Variants in SLC25A26 observed in about 807,000 individuals in gnomAD.
The protein encoded by SLC25A26 is mitochondrial S-adenosylmethionine carrier protein.
SLC25A26 carries 36 observed loss-of-function variants against 37.8 expected under a neutral mutation model. The ratio of observed to expected loss-of-function variants is 0.95; its 90% confidence interval spans 0.73 to 1.26. The LOEUF (loss-of-function observed/expected upper bound fraction) is 1.26, where lower values mean the gene tolerates loss of function less well. Ranked by LOEUF, SLC25A26 falls within the 50% of genes most tolerant of loss-of-function variation. The probability of loss-of-function intolerance (pLI) is 0.00; values close to 1 mark genes in which losing one functional copy is unlikely to be tolerated. For synonymous variants in SLC25A26, 129 were observed against 122.5 expected (o/e 1.05, Z -0.35); for missense variants, 390 against 331.1 (o/e 1.18, Z -1.38).
At chr3:66,180,979 G>A (rs1202481571) in intron 1 of SLC25A26, among the ~76,000 whole-genome samples, 1 of 152,160 alleles carries the variant, frequency 6.6e-6, no homozygotes. Context: ...CAGGAAAAAG[G>A]CCATGGGAGG....
chr3:66,340,711 G>A (rs2076190419), intron 5 of SLC25A26, among the ~76,000 whole-genome samples: 1 of 151,922 alleles, frequency 6.6e-6, no homozygotes, highest in African/African-American at 2.4e-5. Flanking sequence ...CTTACGCCTT[G>A]TTACTCTGAT....
At chr3:66,317,219 G>C (rs558212978) in intron 5 of SLC25A26, among the ~76,000 whole-genome samples, 1 of 152,178 alleles carries the variant, frequency 6.6e-6, no homozygotes, top group Non-Finnish European at 1.5e-5. Context: ...TTTTTGCATT[G>C]ATTCTTTATC....
chr3:66,361,032 T>C (rs913240458), intron 6 of SLC25A26, among the ~76,000 whole-genome samples: 3 of 152,210 alleles, frequency 2.0e-5, no homozygotes, highest in African/African-American at 7.2e-5. Flanking sequence ...AAGTATGGAA[T>C]TGATATCAAG....
intron 5 of SLC25A26, among the ~76,000 whole-genome samples, chr3:66,299,404 G>C (rs894226655): frequency 2.0e-5 from 3 of 152,100 alleles, no homozygotes; most frequent in African/African-American, 7.2e-5. Flanking sequence ...TGGCCAGGCT[G>C]GTCTTGAAGT....
chr3:66,371,201 G>T, intron 9 of SLC25A26: 1 of 1,502,068 alleles, frequency 6.7e-7, no homozygotes, highest in South Asian at 1.3e-5. Flanking sequence ...TTTTCTCTTA[G>T]GGACCATATA....
intron 1 of SLC25A26, among the ~76,000 whole-genome samples, chr3:66,175,112 T>TATATATATATAC (rs2070560689): frequency 1.3e-5 from 1 of 78,168 alleles, no homozygotes; most frequent in African/African-American, 5.1e-5. Flanking sequence ...TGTGTGTGTA[T>TATATATATATAC]ATATATATAT....
chr3:66,139,529 C>A (rs1412765741), intron 1 of SLC25A26, among the ~76,000 whole-genome samples: 1 of 152,186 alleles, frequency 6.6e-6, no homozygotes, highest in Non-Finnish European at 1.5e-5. Context: ...GCACACATTT[C>A]TTTCGCGGTC....
chr3:66,144,604 T>C (rs1033859240), intron 1 of SLC25A26, among the ~76,000 whole-genome samples: 1 of 152,148 alleles, frequency 6.6e-6, no homozygotes, highest in Non-Finnish European at 1.5e-5. Flanking sequence ...AAGCATACCA[T>C]AATGCCAAAG....
chr3:66,351,642 C>T (rs539404229), intron 6 of SLC25A26, among the ~76,000 whole-genome samples: 3 of 152,176 alleles, frequency 2.0e-5, no homozygotes, highest in Non-Finnish European at 4.4e-5. Context: ...CAGGATGTCT[C>T]TGAGTGGCTA....
intron 6 of SLC25A26, chr3:66,355,952 A>G (rs2076564533): frequency 2.2e-6 from 1 of 447,128 alleles, no homozygotes; most frequent in Non-Finnish European, 4.5e-6. Context: ...CTAATTTGGA[A>G]TTGAGTAGAT....
At chr3:66,253,037 A>T (rs1398473159) in intron 3 of SLC25A26, among the ~76,000 whole-genome samples, 1 of 45,676 alleles carries the variant, frequency 2.2e-5, no homozygotes, top group African/African-American at 7.9e-5. Context: ...CCCCCCCCCC[A>T]TAAATATGTC....
In SLC25A26 at chr3:66,370,782, C is replaced by T. The variant is rs77381133; in HGVS notation, c.707+180C>T. 2.3e-3 allele frequency among the ~76,000 whole-genome samples: 350 copies of T among 152,240 alleles called. 2 individuals are homozygous for T. The highest frequency in any genetic ancestry group is 7.3e-3 in the African/African-American group (303 of 41,536). On this transcript the variant is annotated intron_variant, in intron 9 of 9. Coordinates refer to ENST00000354883, the MANE Select transcript of SLC25A26 (RefSeq NM_001379210.1). ...GAGATAACATAGCAAATCAAATTGA[C>T]GGATTATTCCAGCCAGGCAGTTCTC... is the stretch of plus-strand genomic sequence containing the variant.
At chr3:66,166,594 AT>A (rs1241085211) in intron 1 of SLC25A26, among the ~76,000 whole-genome samples, 1 of 152,218 alleles carries the variant, frequency 6.6e-6, no homozygotes, top group African/African-American at 2.4e-5. Flanking sequence ...ATAATTTTTA[AT>A]TTGGTTAAGT....
intron 5 of SLC25A26, among the ~76,000 whole-genome samples, chr3:66,300,251 G>GTTTTTTTTTTTTTTTTTT (rs1309490705): frequency 3.6e-5 from 4 of 111,608 alleles, no homozygotes; most frequent in Non-Finnish European, 3.8e-5. Flanking sequence ...GGGTTTTTTT[G>GTTTTTTTTTTTTTTTTTT]TTTTGTTTTT....
intron 1 of SLC25A26, among the ~76,000 whole-genome samples, chr3:66,137,010 T>G (rs868780647): frequency 6.6e-6 from 1 of 152,106 alleles, no homozygotes; most frequent in African/African-American, 2.4e-5. Flanking sequence ...TGATTTGCAT[T>G]TATGATAATA....
At chr3:66,165,459 G>T (rs778900910) in intron 1 of SLC25A26, among the ~76,000 whole-genome samples, 6 of 152,154 alleles carry the variant, frequency 3.9e-5, no homozygotes, top group Non-Finnish European at 7.3e-5. Flanking sequence ...GTTTCTAAGA[G>T]AGTGGGAATG....
At chr3:66,371,822 G>A (rs7618284) in intron 9 of SLC25A26, among the ~76,000 whole-genome samples, 1 of 151,964 alleles carries the variant, frequency 6.6e-6, no homozygotes, top group Non-Finnish European at 1.5e-5. Flanking sequence ...TAGGGGCCGG[G>A]TGCGGGGCTC....
chr3:66,206,660 T>G (rs2106823502), intron 1 of SLC25A26, among the ~76,000 whole-genome samples: 1 of 152,080 alleles, frequency 6.6e-6, no homozygotes, highest in South Asian at 2.1e-4. Flanking sequence ...AAAGAAGATT[T>G]CAGTTAACAT....
intron 3 of SLC25A26, among the ~76,000 whole-genome samples, chr3:66,246,580 T>C (rs1366341828): frequency 1.3e-5 from 2 of 152,172 alleles, no homozygotes; most frequent in Admixed American, 1.3e-4. Context: ...ATGTGGACTG[T>C]TAGGCATGGG....
Sources: gnomAD v4.1 joint callset for allele counts (sites outside exome capture counted in the v4.1 genomes callset) on GRCh38, gnomAD v4.1.1 for gene constraint, MANE v1.5 for transcripts, NCBI Gene and HGNC (gene_info 2026-07-23, HGNC 2026-07-21) for gene names.